CHSY1: variants seen among roughly 807,000 people sequenced by gnomAD.
CHSY1 encodes N-acetylgalactosaminyl-proteoglycan 3-beta-glucuronosyltransferase 1.
A neutral mutation model predicts 59.8 loss-of-function variants in CHSY1; 13 were observed. The observed-to-expected ratio is 0.22, with a 90% CI of 0.14 to 0.35. CHSY1 has a LOEUF of 0.35. Ranked by LOEUF, CHSY1 falls within the 10% of genes least tolerant of loss-of-function variation. CHSY1 has a pLI of 1.00. For missense variants in CHSY1, 947 were observed against 1,030.6 expected (o/e 0.92, Z 1.11); for synonymous variants, 459 against 401.2 (o/e 1.14, Z -1.72).
At chr15:101,187,109 A>C (rs969386001) in intron 2 of CHSY1, among the ~76,000 whole-genome samples, 1 of 152,214 alleles carries the variant, frequency 6.6e-6, no homozygotes, top group Non-Finnish European at 1.5e-5. Flanking sequence ...CTCCTCTATA[A>C]AATTAGTTAT....
chr15:101,190,567 A>G (rs1383864169), intron 2 of CHSY1, among the ~76,000 whole-genome samples: 1 of 152,238 alleles, frequency 6.6e-6, no homozygotes, highest in East Asian at 1.9e-4. Flanking sequence ...ATGACTTTCT[A>G]GACACAACAC....
At chr15:101,190,814 T>C (rs1267669863) in intron 2 of CHSY1, among the ~76,000 whole-genome samples, 6 of 152,052 alleles carry the variant, frequency 3.9e-5, no homozygotes, top group Non-Finnish European at 7.4e-5. Flanking sequence ...GTTACACAGA[T>C]GGTAGAAAAA....
In CHSY1 at chr15:101,177,638, T is replaced by A. The variant is rs2038210214; in HGVS notation, c.2159A>T (p.Asp720Val). The A allele has an allele frequency of 1.2e-6, 2 of 1,614,138 alleles. No individual in the cohort carries two copies. Among genetic ancestry groups the A allele is most frequent in the Non-Finnish European group, 1.7e-6 (2 of 1,180,018 alleles). The change falls in exon 3 of 3, where the codon GAT (aspartate) becomes GTT (valine). Residue 720 changes from aspartate (D) to valine (V), a missense_variant. Around this residue, in one of 4 missense-constraint regions of CHSY1, gnomAD observed 602 missense variants for 676.9 expected, o/e 0.89. Transcript: ENST00000254190. ...GACAACCTTGTTGAAAAGGTCCACATCCTCCAGCCCCCAGCCTTGGATGGA... is the reference window on the plus strand; with the variant it reads ...GACAACCTTGTTGAAAAGGTCCACAACCTCCAGCCCCCAGCCTTGGATGGA... The part of the protein sequence containing the change: ...DVSIQGWGLE[D>V]VDLFNKVVQA...
In CHSY1 at chr15:101,217,007, T is replaced by TA. The variant is rs139314402; in HGVS notation, c.816+18074_816+18075insT. Among the ~76,000 whole-genome samples, 996 of 152,248 alleles carry TA rather than the reference T, an allele frequency of 6.5e-3. 10 individuals carry two copies. Among genetic ancestry groups the TA allele is most frequent in the African/African-American group, 0.023 (946 of 41,544 alleles). ...TCACTGAAGTGGGCAGAGCAGAAGG[T>TA]GCTGACCTAAGTAACTGTGAGAATG... On this transcript the variant is annotated intron_variant, in intron 2 of 2. Transcript: ENST00000254190.
intron 2 of CHSY1, chr15:101,189,328 C>T (rs1271174469): frequency 2.5e-5 from 14 of 553,052 alleles, no homozygotes; most frequent in South Asian, 1.6e-4. Context: ...CAGCGTCACA[C>T]GTGACCCAAC....
chr15:101,237,364 C>A lies in CHSY1; in HGVS notation c.321-1787G>T, dbSNP rs1354629779. On this transcript the variant is annotated intron_variant, in intron 1 of 2. Transcript: ENST00000254190. Reference sequence around the variant, plus strand: ...GCAGAAGACAAGATTAAGGCCCACACATTTTGAACTCCCTAGGAATGGAGA... The same window carrying A: ...GCAGAAGACAAGATTAAGGCCCACAAATTTTGAACTCCCTAGGAATGGAGA... 1.3e-5 allele frequency among the ~76,000 whole-genome samples: 2 copies of A among 151,948 alleles called. 1 individual carries two copies. The highest frequency in any genetic ancestry group is 1.3e-4 in the Admixed American group (2 of 15,256).
Position 101,177,990 on chromosome 15 carries a change from G to A in CHSY1, c.1807C>T (p.Pro603Ser). 1 of 1,614,148 alleles carries A rather than the reference G, an allele frequency of 6.2e-7. No individual in the cohort carries two copies. Among genetic ancestry groups the A allele is most frequent in the Non-Finnish European group, 8.5e-7 (1 of 1,180,034 alleles). The part of the protein sequence containing the change: ...KYPKADMQIL[P>S]VSGEFSRALA... ...GCTCTTGAAAACTCTCCAGACACAG[G>A]CAAAATCTGCATGTCGGCTTTAGGG... The change falls in exon 3 of 3, where the codon CCT (proline) becomes TCT (serine). Residue 603 changes from proline (P) to serine (S), a missense_variant. Physicochemically the swap from Pro to Ser is moderately conservative, Grantham distance 74 (BLOSUM62 -1). This residue lies in a region of CHSY1 where 602 missense variants were observed against 676.9 expected (regional missense o/e 0.89). Transcript: ENST00000254190.
At chr15:101,207,532 C>T (rs954547000) in intron 2 of CHSY1, among the ~76,000 whole-genome samples, 1 of 152,048 alleles carries the variant, frequency 6.6e-6, no homozygotes, top group Non-Finnish European at 1.5e-5. Flanking sequence ...TCTGTTAATT[C>T]ATCAAACACT....
At chr15:101,221,439 A>G (rs1256613683) in intron 2 of CHSY1, among the ~76,000 whole-genome samples, 1 of 152,078 alleles carries the variant, frequency 6.6e-6, no homozygotes, top group African/African-American at 2.4e-5. Context: ...AGCTTGCCCC[A>G]CTGCACACTA....
In CHSY1 at chr15:101,177,730, T is replaced by C. The variant is rs762093887; in HGVS notation, c.2067A>G (p.Arg689=). ...FAFTQKTGFW[R]NYGFGITCIY... ...TACACGTGATGCCAAACCCATAGTT[T>C]CTCCAGAAGCCAGTTTTCTGAGTAA... The change falls in exon 3 of 3, where the codon AGA becomes AGG. Residue 689 remains arginine, a synonymous_variant. Transcript: ENST00000254190. 1 of 1,614,206 alleles carries C rather than the reference T, an allele frequency of 6.2e-7. No individual in the cohort carries two copies. The highest frequency in any genetic ancestry group is 1.1e-5 in the South Asian group (1 of 91,084).
intron 2 of CHSY1, among the ~76,000 whole-genome samples, chr15:101,223,966 C>A (rs1314979672): frequency 1.3e-5 from 2 of 152,218 alleles, no homozygotes; most frequent in Admixed American, 1.3e-4. Context: ...GATTGTAATA[C>A]CTTATTTTCA....
chr15:101,230,325 C>G (rs1248650409), intron 2 of CHSY1, among the ~76,000 whole-genome samples: 1 of 152,112 alleles, frequency 6.6e-6, no homozygotes, highest in Non-Finnish European at 1.5e-5. Context: ...CTCAGGCCTG[C>G]GAGTTTAACG....
chr15:101,244,286 C>G (rs1037466144), intron 1 of CHSY1, among the ~76,000 whole-genome samples: 1 of 152,172 alleles, frequency 6.6e-6, no homozygotes, highest in Non-Finnish European at 1.5e-5. Context: ...AATGCTGCCA[C>G]CAGATCCTCC....
chr15:101,205,830 A>G (rs967987668), intron 2 of CHSY1, among the ~76,000 whole-genome samples: 3 of 152,102 alleles, frequency 2.0e-5, no homozygotes, highest in African/African-American at 7.2e-5. Flanking sequence ...GGGCGCCCGT[A>G]GTCCCAGCTA....
chr15:101,224,092 G>A lies in CHSY1; in HGVS notation c.816+10990C>T, dbSNP rs376291820. On this transcript the variant is annotated intron_variant, in intron 2 of 2. Coordinates refer to ENST00000254190, the MANE Select transcript of CHSY1 (RefSeq NM_014918.5). ...TGTACAGGTTTGTAGCCTAGGAGCC[G>A]CAGGCTACACCATACAGCCTAGGTG... Among the ~76,000 whole-genome samples, 26 of 152,336 alleles carry A rather than the reference G, an allele frequency of 1.7e-4. No individual in the cohort carries two copies. In the East Asian group the frequency reaches 3.7e-3, roughly 21 times the overall value.
At chr15:101,232,329 A>G (rs1403190622) in intron 2 of CHSY1, among the ~76,000 whole-genome samples, 1 of 152,244 alleles carries the variant, frequency 6.6e-6, no homozygotes, top group African/African-American at 2.4e-5. Flanking sequence ...AAAGTTCCTC[A>G]TCCACACGAA....
At position 101,215,563 on chromosome 15, in the gene CHSY1, C is replaced by T. The variant is rs527269167; in HGVS notation, c.816+19519G>A. ...CAGCCTGGCCAACATGGCAAAACCCCGTCTCTACTGAAAATACAAAAATTA... is the reference window on the plus strand; with the variant it reads ...CAGCCTGGCCAACATGGCAAAACCCTGTCTCTACTGAAAATACAAAAATTA... On this transcript the variant is annotated intron_variant, in intron 2 of 2. Transcript: ENST00000254190. Among the ~76,000 whole-genome samples the T allele has an allele frequency of 4.6e-5, 7 of 152,292 alleles. No individual in the cohort carries two copies. The East Asian group carries it at 1.2e-3, about 25-fold the overall frequency.
chr15:101,224,654 G>A (rs2038822004), intron 2 of CHSY1, among the ~76,000 whole-genome samples: 1 of 152,210 alleles, frequency 6.6e-6, no homozygotes, highest in African/African-American at 2.4e-5. Flanking sequence ...CAGACGGTCT[G>A]CCTCTGAGAA....
At chr15:101,247,645 AG>A (rs2039064908) in intron 1 of CHSY1, among the ~76,000 whole-genome samples, 1 of 152,168 alleles carries the variant, frequency 6.6e-6, no homozygotes, top group South Asian at 2.1e-4. Context: ...TCCAAAGCTC[AG>A]CCCTGGCTGG....
Sources: gnomAD v4.1 joint callset for allele counts (sites outside exome capture counted in the v4.1 genomes callset) on GRCh38, gnomAD v4.1.1 for gene constraint, gnomAD v4.1.1 regional missense constraint, MANE v1.5 for transcripts, NCBI Gene and HGNC (gene_info 2026-07-23, HGNC 2026-07-21) for gene names.